RUBCNL: variants seen among roughly 807,000 people sequenced by gnomAD.
The protein encoded by RUBCNL is rubicon like autophagy enhancer, also known as protein associated with UVRAG as autophagy enhancer.
Under a neutral mutation model 69.5 loss-of-function variants are expected in RUBCNL, and 62 were observed. The ratio of observed to expected loss-of-function variants is 0.89; its 90% CI spans 0.73 to 1.10. The LOEUF (loss-of-function observed/expected upper bound fraction) is 1.10, where lower values mean the gene tolerates loss of function less well. RUBCNL is among the 50% of genes least tolerant of loss of function. The pLI, the probability that RUBCNL is intolerant of heterozygous loss-of-function variation, is 0.00. For missense variants in RUBCNL, 768 were observed against 798.1 expected (o/e 0.96, Z 0.45); for synonymous variants, 291 against 303.6 (o/e 0.96, Z 0.43).
chr13:46,351,536 T>TCA (rs1458209739), intron 10 of RUBCNL, among the ~76,000 whole-genome samples: 4 of 152,136 alleles, frequency 2.6e-5, no homozygotes, highest in African/African-American at 7.2e-5. Flanking sequence ...AAAAAGGTGT[T>TCA]CATTACAGCA....
chr13:46,351,178 T>C (rs1191992214), intron 10 of RUBCNL, among the ~76,000 whole-genome samples: 5 of 151,992 alleles, frequency 3.3e-5, no homozygotes, highest in African/African-American at 4.8e-5. Context: ...GGCAGGAGGA[T>C]TGCTTGAAGG....
Position 46,340,763 on chromosome 13 carries a change from C to T in RUBCNL, c.*2622G>A, listed in dbSNP as rs528304131. Among the ~76,000 whole-genome samples the T allele has an allele frequency of 6.6e-6, 1 of 152,244 alleles. No individual in the cohort carries two copies. The highest frequency in any genetic ancestry group is 2.4e-5 in the African/African-American group (1 of 41,542). On this transcript the variant is annotated 3_prime_UTR_variant, in exon 15 of 15. Coordinates refer to ENST00000429979, the MANE Select transcript of RUBCNL (RefSeq NM_025113.5). ...GGAAACAGAGGAGGCAAAGAGAGGG[C>T]AGGGAGGTGCCAGGCTTCATAACAA...
chr13:46,356,447 T>C lies in RUBCNL; in HGVS notation c.1315A>G (p.Thr439Ala), dbSNP rs1459871809. 1 of 1,613,882 alleles carries C rather than the reference T, an allele frequency of 6.2e-7. No homozygotes were observed. Among genetic ancestry groups the C allele is most frequent in the Non-Finnish European group, 8.5e-7 (1 of 1,179,856 alleles). ...CCGTACTTACTAGGCTCTACTGGAG[T>C]TCCACAGCCGGCACAGAAAAAATTC... is the stretch of plus-strand genomic sequence containing the variant. ...AQNFFCAGCG[T>A]PVEPKFVKRL... Residue 439 changes from threonine (T) to alanine (A), a missense_variant, in exon 10 of 15, where the codon ACT becomes GCT. Coordinates refer to ENST00000429979, the MANE Select transcript of RUBCNL (RefSeq NM_025113.5).
At position 46,335,644 on chromosome 13, in the gene RUBCNL, T is replaced by C. The variant is rs1367920816; in HGVS notation, c.*7741A>G. 6.6e-6 allele frequency among the ~76,000 whole-genome samples: 1 copy of C among 152,172 alleles called. No individual in the cohort carries two copies. Among genetic ancestry groups the C allele is most frequent in the Non-Finnish European group, 1.5e-5 (1 of 68,024 alleles). On this transcript the variant is annotated 3_prime_UTR_variant, in exon 15 of 15. Transcript: ENST00000429979. ...ATCTAATAGAAGTTCAGGAGAGAGA[T>C]GGTGGCTTGTACTGTAATAATGTCA...
chr13:46,361,894 GTC>G (rs1158044782), intron 7 of RUBCNL, among the ~76,000 whole-genome samples: 1 of 152,036 alleles, frequency 6.6e-6, no homozygotes, highest in Non-Finnish European at 1.5e-5. Flanking sequence ...CTATATATGA[GTC>G]TCAATTTTTA....
At position 46,339,921 on chromosome 13, in the gene RUBCNL, T is replaced by C. The variant is rs186862972; in HGVS notation, c.*3464A>G. Among the ~76,000 whole-genome samples, 1 of 151,076 alleles carries C rather than the reference T, an allele frequency of 6.6e-6. No homozygotes were observed. The highest frequency in any genetic ancestry group is 2.4e-5 in the African/African-American group (1 of 41,292). On this transcript the variant is annotated 3_prime_UTR_variant, in exon 15 of 15. Transcript: ENST00000429979. Reference sequence around the variant, plus strand: ...CCCCAGGAATTTATTCTCTCATAATTCTCAATGTCAGAAGTTTGAAATCAA... The same window carrying C: ...CCCCAGGAATTTATTCTCTCATAATCCTCAATGTCAGAAGTTTGAAATCAA...
chr13:46,366,553 T>C (rs1305145073), intron 5 of RUBCNL, among the ~76,000 whole-genome samples: 1 of 152,248 alleles, frequency 6.6e-6, no homozygotes, highest in Non-Finnish European at 1.5e-5. Context: ...AAAACAACCC[T>C]TTTAATTTGA....
intron 12 of RUBCNL, among the ~76,000 whole-genome samples, chr13:46,347,434 A>T (rs776684088): frequency 6.6e-6 from 1 of 152,124 alleles, no homozygotes; most frequent in African/African-American, 2.4e-5. Flanking sequence ...AACAAAAAAA[A>T]CTATACTTTA....
Position 46,356,441 on chromosome 13 carries a change from C to T in RUBCNL, c.1321G>A (p.Val441Ile). ...NFFCAGCGTPVEPKFVKRLRY... is the reference protein window; with the variant it reads ...NFFCAGCGTPIEPKFVKRLRY... ...CATTATCCGTACTTACTAGGCTCTA[C>T]TGGAGTTCCACAGCCGGCACAGAAA... Residue 441 changes from valine to isoleucine, a missense_variant, in exon 10 of 15, where the codon GTA becomes ATA. Physicochemically the swap from Val to Ile is conservative, Grantham distance 29. Transcript: ENST00000429979. The T allele has an allele frequency of 1.4e-5, 22 of 1,613,992 alleles. No individual in the cohort carries two copies. Among genetic ancestry groups the T allele is most frequent in the Non-Finnish European group, 1.9e-5 (22 of 1,179,874 alleles).
upstream of RUBCNL, chr13:46,387,305 C>A: frequency 1.0e-6 from 1 of 985,530 alleles, no homozygotes; most frequent in Non-Finnish European, 1.2e-6. Context: ...CCGCCACGCC[C>A]CCCGCCTCCC....
intron 1 of RUBCNL, chr13:46,378,669 G>A (rs1490148231): frequency 6.6e-6 from 1 of 152,196 alleles, no homozygotes; most frequent in Non-Finnish European, 1.5e-5. Context: ...ACTTCTGCAG[G>A]AGGGATAGAT....
intron 10 of RUBCNL, among the ~76,000 whole-genome samples, chr13:46,351,846 T>TTTTTG (rs2048375952): frequency 6.6e-6 from 1 of 150,730 alleles, no homozygotes; most frequent in African/African-American, 2.4e-5. Flanking sequence ...TTTTTTTTTT[T>TTTTTG]GAGAAGGAGT....
chr13:46,357,594 G>C (rs1416253195), intron 9 of RUBCNL, among the ~76,000 whole-genome samples: 1 of 151,566 alleles, frequency 6.6e-6, no homozygotes, highest in Admixed American at 6.6e-5. Flanking sequence ...AATCATTTCT[G>C]GTAAGAGATA....
chr13:46,357,593 TG>T (rs985454448), intron 9 of RUBCNL, among the ~76,000 whole-genome samples: 1 of 151,710 alleles, frequency 6.6e-6, no homozygotes, highest in African/African-American at 2.4e-5. Flanking sequence ...AAATCATTTC[TG>T]GTAAGAGATA....
At chr13:46,354,142 G>T (rs1248611609) in intron 10 of RUBCNL, among the ~76,000 whole-genome samples, 1 of 152,144 alleles carries the variant, frequency 6.6e-6, no homozygotes, top group Admixed American at 6.6e-5. Flanking sequence ...TTATTTTTGG[G>T]ATATACTGAA....
At position 46,350,226 on chromosome 13, in the gene RUBCNL, C is replaced by T. The variant is rs1203672346; in HGVS notation, c.1456G>A (p.Val486Ile). Residue 486 changes from valine (V) to isoleucine (I), a missense_variant, in exon 11 of 15, where the codon GTC becomes ATC. Physicochemically the swap from Val to Ile is conservative, Grantham distance 29. Transcript: ENST00000429979. Reference sequence around the variant, plus strand: ...AGCAGCTGTTTGGAGAAATTGCTGACGTAGTACTTCTTGAAGTCCCACATC... The same window carrying T: ...AGCAGCTGTTTGGAGAAATTGCTGATGTAGTACTTCTTGAAGTCCCACATC... Reference protein sequence around the residue: ...LMMWDFKKYYVSNFSKQLLDS... With the variant: ...LMMWDFKKYYISNFSKQLLDS... 2.5e-5 allele frequency: 40 copies of T among 1,593,064 alleles called. No homozygotes were observed. Among genetic ancestry groups the T allele is most frequent in the Non-Finnish European group, 3.2e-5 (37 of 1,169,476 alleles).
intron 12 of RUBCNL, among the ~76,000 whole-genome samples, chr13:46,347,824 T>C (rs897339143): frequency 5.3e-5 from 8 of 152,086 alleles, no homozygotes; most frequent in African/African-American, 1.9e-4. Flanking sequence ...ACCCTGTCTC[T>C]ACTAAAAACA....
In RUBCNL at chr13:46,343,464, T is replaced by C; in HGVS notation, c.1910A>G (p.Gln637Arg). 1 of 1,613,942 alleles carries C rather than the reference T, an allele frequency of 6.2e-7. No individual in the cohort carries two copies. The highest frequency in any genetic ancestry group is 8.5e-7 in the Non-Finnish European group (1 of 1,179,872). Reference sequence around the variant, plus strand: ...CGCACACCGGGGGCACTCGGAGGACTGGAAGCACTGTTTGTGAAAGCAAGC... The same window carrying C: ...CGCACACCGGGGGCACTCGGAGGACCGGAAGCACTGTTTGTGAAAGCAAGC... ...CRACFHKQCF[Q>R]SSECPRCARI... The change falls in exon 15 of 15, where the codon CAG (glutamine) becomes CGG (arginine). Residue 637 changes from glutamine to arginine, a missense_variant. Gln to Arg is a conservative substitution (Grantham distance 43). Transcript: ENST00000429979.
chr13:46,356,325 CA>C, intron 10 of RUBCNL, 106 bp downstream of exon 10: 2 of 1,073,404 alleles, frequency 1.9e-6, no homozygotes. Context: ...GCTCTTATAA[CA>C]ACTTCTCATC....
Sources: allele counts gnomAD v4.1 joint callset (sites outside exome capture counted in the v4.1 genomes callset), GRCh38; gene constraint gnomAD v4.1.1; transcripts MANE v1.5; gene names NCBI Gene and HGNC (gene_info 2026-07-23, HGNC 2026-07-21).